PEX7: variants seen among roughly 807,000 people sequenced by gnomAD.
The protein encoded by PEX7 is PTS2 receptor.
In PEX7, 34 loss-of-function variants were observed where a neutral mutation model predicts 47.5. The ratio of observed to expected loss-of-function variants is 0.72; its 90% CI spans 0.54 to 0.95. PEX7 has a LOEUF of 0.95. PEX7 is among the 40% of genes least tolerant of loss of function. The pLI, the probability that PEX7 is intolerant of heterozygous loss-of-function variation, is 0.00. For synonymous variants in PEX7, 141 were observed against 148.8 expected, an observed-to-expected ratio of 0.95 and a Z score of 0.38; for missense variants, 394 against 400.3, an observed-to-expected ratio of 0.98 and a Z score of 0.13.
At chr6:136,872,842 C>T (rs1229570844) in intron 8 of PEX7, among the ~76,000 whole-genome samples, 2 of 151,924 alleles carry the variant, frequency 1.3e-5, no homozygotes, top group Admixed American at 6.6e-5. Context: ...AATATATTTT[C>T]TTATGTGTTA....
chr6:136,860,409 C>CTT (rs386408726), intron 5 of PEX7, among the ~76,000 whole-genome samples: 5,680 of 113,860 alleles, frequency 0.05, 225 homozygotes, highest in African/African-American at 0.095. Context: ...AGCCATGGCT[C>CTT]TTTTTTTTTT....
chr6:136,911,053 T>C (rs918268253), intron 9 of PEX7, among the ~76,000 whole-genome samples: 2 of 152,174 alleles, frequency 1.3e-5, no homozygotes, highest in Non-Finnish European at 2.9e-5. Context: ...TTTTGACAAA[T>C]AGATACGTCT....
At chr6:136,838,963 C>T (rs1774444149) in intron 3 of PEX7, among the ~76,000 whole-genome samples, 2 of 152,172 alleles carry the variant, frequency 1.3e-5, no homozygotes, top group Non-Finnish European at 2.9e-5. Context: ...AGGGGGATTA[C>T]ATGAGCCCAG....
chr6:136,892,594 AT>A (rs1415881267), intron 8 of PEX7, among the ~76,000 whole-genome samples: 1 of 152,198 alleles, frequency 6.6e-6, no homozygotes, highest in African/African-American at 2.4e-5. Flanking sequence ...TCATTCATTC[AT>A]TCATGAGTGC....
chr6:136,875,780 G>A (rs886887207), intron 8 of PEX7, among the ~76,000 whole-genome samples: 2 of 152,102 alleles, frequency 1.3e-5, no homozygotes, highest in Non-Finnish European at 2.9e-5. Flanking sequence ...TCATTAGCAG[G>A]CTTCTATATC....
At position 136,827,766 on chromosome 6, in the gene PEX7, A is replaced by G. The variant is rs117041140; in HGVS notation, c.339+1297A>G. 3.9e-3 allele frequency among the ~76,000 whole-genome samples: 588 copies of G among 152,112 alleles called. 16 individuals carry two copies. The South Asian group carries it at 0.057, about 15-fold the overall frequency. ...AGGCTGGTCTTGAACTCCTGGGCTC[A>G]CATGATCCACCTGCCTTGGCCTCCC... On this transcript the variant is annotated intron_variant, in intron 3 of 9. Coordinates refer to ENST00000318471, the MANE Select transcript of PEX7 (RefSeq NM_000288.4).
At chr6:136,840,905 C>A (rs1207983266) in intron 3 of PEX7, among the ~76,000 whole-genome samples, 1 of 152,110 alleles carries the variant, frequency 6.6e-6, no homozygotes, top group Non-Finnish European at 1.5e-5. Flanking sequence ...TCTTTCCTGG[C>A]CATTTTGTTG....
chr6:136,855,012 C>T (rs960498748), intron 5 of PEX7, among the ~76,000 whole-genome samples: 5 of 151,604 alleles, frequency 3.3e-5, no homozygotes, highest in South Asian at 2.1e-4. Flanking sequence ...CACTTGAACA[C>T]GGGAAGTGGA....
At chr6:136,823,652 A>T (rs752250734) in intron 1 of PEX7, among the ~76,000 whole-genome samples, 1 of 152,148 alleles carries the variant, frequency 6.6e-6, no homozygotes, top group Non-Finnish European at 1.5e-5. Context: ...GCACTTTGGG[A>T]GGCCGAGGTG....
Position 136,875,957 on chromosome 6 carries a change from C to T in PEX7, c.803+3704C>T, listed in dbSNP as rs191091296. Among the ~76,000 whole-genome samples, 29 of 152,122 alleles carry T rather than the reference C, an allele frequency of 1.9e-4. 1 individual carries two copies. The highest frequency in any genetic ancestry group is 3.9e-4 in the Admixed American group (6 of 15,274). On this transcript the variant is annotated intron_variant, in intron 8 of 9. Coordinates refer to ENST00000318471, the MANE Select transcript of PEX7 (RefSeq NM_000288.4). The stretch of plus-strand genomic sequence containing the variant: ...TGTCTCATATCAGAATCATTGCCCT[C>T]GCTTTCATACTGTGTTTACTTTCCA...
intron 8 of PEX7, among the ~76,000 whole-genome samples, chr6:136,879,788 C>G (rs1454321284): frequency 1.3e-5 from 2 of 152,062 alleles, no homozygotes; most frequent in Non-Finnish European, 2.9e-5. Flanking sequence ...TACTTTCTGT[C>G]TGATACTTTT....
chr6:136,865,614 C>T (rs567209806), intron 5 of PEX7, among the ~76,000 whole-genome samples: 222 of 152,242 alleles, frequency 1.5e-3, no homozygotes, highest in African/African-American at 5.2e-3. Flanking sequence ...TCCATCTCTA[C>T]TAAAAATACA....
chr6:136,886,394 G>A (rs1775468677), intron 8 of PEX7, among the ~76,000 whole-genome samples: 2 of 152,168 alleles, frequency 1.3e-5, no homozygotes, highest in Admixed American at 1.3e-4. Flanking sequence ...AAATGATACT[G>A]TGATCTACCT....
At chr6:136,846,492 C>G (rs572669659) in intron 5 of PEX7, among the ~76,000 whole-genome samples, 18 of 152,110 alleles carry the variant, frequency 1.2e-4, no homozygotes, top group African/African-American at 1.9e-4. Context: ...ATCTCTCCCC[C>G]CTTCCCCCAC....
chr6:136,858,336 G>C (rs971451811), intron 5 of PEX7, among the ~76,000 whole-genome samples: 2 of 152,212 alleles, frequency 1.3e-5, no homozygotes, highest in Non-Finnish European at 2.9e-5. Flanking sequence ...AATGGCCTTT[G>C]CAGTGTATAT....
intron 9 of PEX7, 32 bp downstream of exon 9, chr6:136,898,273 T>C (rs1408184543): frequency 1.5e-6 from 2 of 1,309,430 alleles, no homozygotes; most frequent in African/African-American, 2.9e-5. Flanking sequence ...TATTCTCTTC[T>C]GCCCAAGTTC....
At chr6:136,864,146 T>C (rs996052437) in intron 5 of PEX7, among the ~76,000 whole-genome samples, 1 of 152,162 alleles carries the variant, frequency 6.6e-6, no homozygotes, top group African/African-American at 2.4e-5. Flanking sequence ...CAATTACTTT[T>C]ATATCTCCAA....
At chr6:136,888,888 A>G (rs1410136309) in intron 8 of PEX7, among the ~76,000 whole-genome samples, 2 of 152,158 alleles carry the variant, frequency 1.3e-5, no homozygotes, top group East Asian at 3.8e-4. Flanking sequence ...AATCTTTTCC[A>G]AGGAGAAGAC....
intron 8 of PEX7, among the ~76,000 whole-genome samples, chr6:136,877,409 T>C (rs1421437081): frequency 6.6e-6 from 1 of 152,234 alleles, no homozygotes; most frequent in Admixed American, 6.5e-5. Flanking sequence ...TCCTGAATGG[T>C]ATTGCCTAGG....
Sources: gnomAD v4.1 joint callset for allele counts (sites outside exome capture counted in the v4.1 genomes callset) on GRCh38, gnomAD v4.1.1 for gene constraint, MANE v1.5 for transcripts, NCBI Gene and HGNC (gene_info 2026-07-23, HGNC 2026-07-21) for gene names.